The following ADGB variants were observed in gnomAD, a reference collection of about 807,000 sequenced individuals.
ADGB encodes the protein androglobin, also known as calpain-7-like protein.
In ADGB, 172 loss-of-function variants were observed where a neutral mutation model predicts 210.5. The observed-to-expected ratio is 0.82, with a 90% confidence interval of 0.72 to 0.93. ADGB has a LOEUF of 0.93. ADGB is among the 40% of genes least tolerant of loss of function. The probability of loss-of-function intolerance (pLI) is 0.00; values close to 1 mark genes in which losing one functional copy is unlikely to be tolerated. For synonymous variants in ADGB, 658 were observed against 662.7 expected, an observed-to-expected ratio of 0.99 and a Z score of 0.11; for missense variants, 2,025 against 1,964.8, an observed-to-expected ratio of 1.03 and a Z score of -0.58.
Position 146,721,513 on chromosome 6 carries a change from G to A in ADGB, c.2095+8G>A. The stretch of plus-strand genomic sequence containing the variant: ...GCTGGGGGGAGTATGGAGGTAAGAG[G>A]GCTCTGAGAAAATGATAGCCTTAAA... On this transcript the variant is annotated splice_region_variant and intron_variant, in intron 17 of 35. Transcript: ENST00000397944. 2.6e-6 allele frequency: 4 copies of A among 1,520,072 alleles called. No homozygotes were observed. The South Asian group carries it at 4.8e-5, about 18-fold the overall frequency. The allele number at this position is 1,520,072 out of a possible 1,614,324, so 94.2% of individuals were successfully genotyped here. A position where few individuals can be genotyped will look rare whatever the true frequency, so the allele number is the denominator to read the frequency against.
intron 3 of ADGB, among the ~76,000 whole-genome samples, chr6:146,646,589 G>C (rs1775616181): frequency 6.6e-6 from 1 of 152,082 alleles, no homozygotes; most frequent in South Asian, 2.1e-4. Context: ...AATAGCACCT[G>C]AAAAGAAACC....
chr6:146,637,448 G>A (rs1272304376), intron 2 of ADGB, among the ~76,000 whole-genome samples: 1 of 152,002 alleles, frequency 6.6e-6, no homozygotes, highest in Admixed American at 6.6e-5. Context: ...AAGCTACGGA[G>A]CAAATGAATA....
intron 35 of ADGB, chr6:146,803,180 A>G: frequency 2.0e-6 from 3 of 1,492,828 alleles, no homozygotes; most frequent in Non-Finnish European, 2.8e-6. Flanking sequence ...GTTCACTTAT[A>G]CTTCTCCTTC....
intron 20 of ADGB, among the ~76,000 whole-genome samples, chr6:146,730,413 C>G (rs1358941919): frequency 1.3e-5 from 2 of 152,140 alleles, no homozygotes; most frequent in Admixed American, 6.6e-5. Flanking sequence ...TTCACACATA[C>G]CATCAAGATA....
rs192176620 is a variant in ADGB, at chr6:146,796,016, C to T, written c.4538-5167C>T. Among the ~76,000 whole-genome samples, 91 of 152,074 alleles carry T rather than the reference C, an allele frequency of 6.0e-4. 1 individual carries two copies. The highest frequency in any genetic ancestry group is 5.2e-3 in the Admixed American group (80 of 15,266). On this transcript the variant is annotated intron_variant, in intron 33 of 35. Coordinates refer to ENST00000397944, the MANE Select transcript of ADGB (RefSeq NM_024694.4). ...TCAGTAAAGTTTCAGGATGAAACAT[C>T]AATGTACACAAATAAGTAGCACTGT...
chr6:146,704,349 C>T (rs1776537303), intron 13 of ADGB, among the ~76,000 whole-genome samples: 1 of 151,434 alleles, frequency 6.6e-6, no homozygotes, highest in Admixed American at 6.6e-5. Flanking sequence ...GTTGCCTGTG[C>T]TTTAGGGATT....
chr6:146,720,530 T>C (rs1776797354), intron 16 of ADGB, among the ~76,000 whole-genome samples: 1 of 152,086 alleles, frequency 6.6e-6, no homozygotes, highest in Non-Finnish European at 1.5e-5. Context: ...CAGCAAGCAA[T>C]GGGTATTGAG....
chr6:146,782,385 A>G (rs1365168676), intron 30 of ADGB, among the ~76,000 whole-genome samples, 193 bp downstream of exon 30: 1 of 152,202 alleles, frequency 6.6e-6, no homozygotes, highest in African/African-American at 2.4e-5. Flanking sequence ...ATCAAAAACT[A>G]TCAATTAAAC....
intron 29 of ADGB, among the ~76,000 whole-genome samples, chr6:146,773,949 G>A (rs1777688826): frequency 6.6e-6 from 1 of 152,054 alleles, no homozygotes; most frequent in Non-Finnish European, 1.5e-5. Context: ...GAGGGAACTG[G>A]GATACAGACA....
At chr6:146,676,486 T>A (rs1204788793) in intron 9 of ADGB, 45 bp downstream of exon 9, 1 of 1,271,614 alleles carries the variant, frequency 7.9e-7, no homozygotes, top group East Asian at 3.1e-5. Flanking sequence ...TAGTTGTTTC[T>A]TAAAATGCTG....
intron 9 of ADGB, 31 bp downstream of exon 9, chr6:146,676,472 A>C: frequency 7.7e-7 from 1 of 1,303,102 alleles, no homozygotes; most frequent in Non-Finnish European, 9.9e-7. Flanking sequence ...AATAATAACT[A>C]TTTTAGTTGT....
At chr6:146,809,393 C>T (rs891271254) in intron 35 of ADGB, among the ~76,000 whole-genome samples, 7 of 152,040 alleles carry the variant, frequency 4.6e-5, no homozygotes, top group African/African-American at 1.4e-4. Context: ...TTAGTAGAGA[C>T]GGGGGTTTCA....
At chr6:146,678,570 A>G (rs2114909255) in intron 9 of ADGB, among the ~76,000 whole-genome samples, 1 of 152,286 alleles carries the variant, frequency 6.6e-6, no homozygotes, top group South Asian at 2.1e-4. Flanking sequence ...GTTGTAGTTA[A>G]TTCTGATAAG....
At chr6:146,631,138 A>G (rs1164696359) in intron 1 of ADGB, among the ~76,000 whole-genome samples, 1 of 152,270 alleles carries the variant, frequency 6.6e-6, no homozygotes, top group Non-Finnish European at 1.5e-5. Flanking sequence ...TATAATGATT[A>G]AAGATACGAA....
At chr6:146,634,127 T>C (rs368942809) in intron 1 of ADGB, among the ~76,000 whole-genome samples, 10 of 152,268 alleles carry the variant, frequency 6.6e-5, no homozygotes, top group African/African-American at 2.4e-4. Flanking sequence ...CTTACCATTG[T>C]GTTACAGTTG....
intron 1 of ADGB, among the ~76,000 whole-genome samples, chr6:146,622,833 A>G (rs1247774165): frequency 2.0e-5 from 3 of 151,988 alleles, no homozygotes; most frequent in Non-Finnish European, 4.4e-5. Context: ...CTGTTTTAGA[A>G]GTTTTATAGT....
chr6:146,721,327 T>TATTTATATATAACTTAG, intron 16 of ADGB, 76 bp from the exon 17 acceptor site: 1 of 932,012 alleles, frequency 1.1e-6, no homozygotes, highest in Non-Finnish European at 1.7e-6. Flanking sequence ...GATGTTATAC[T>TATTTATATATAACTTAG]ATGTTTTCAT....
Position 146,801,906 on chromosome 6 carries a change from T to A in ADGB, c.4713T>A (p.His1571Gln). The A allele has an allele frequency of 6.4e-7, 1 of 1,551,316 alleles. No individual in the cohort carries two copies. The highest frequency in any genetic ancestry group is 8.7e-7 in the Non-Finnish European group (1 of 1,146,822). The change falls in exon 35 of 36, where the codon CAT becomes CAA. Residue 1571 changes from histidine (H) to glutamine (Q), a missense_variant. Physicochemically the swap from His to Gln is conservative, Grantham distance 24. Coordinates refer to ENST00000397944, the MANE Select transcript of ADGB (RefSeq NM_024694.4). The part of the protein sequence containing the change: ...QQAMQKAEEI[H>Q]QFRQHRTRVL... ...CAATGCAAAAGGCGGAAGAAATTCA[T>A]CAGTTTCGACAGCATAGGACCAGAG...
At chr6:146,785,859 A>G (rs965387259) in intron 32 of ADGB, 147 bp downstream of exon 32, 1 of 632,168 alleles carries the variant, frequency 1.6e-6, no homozygotes, top group Admixed American at 2.9e-5. Flanking sequence ...GCACAATTTC[A>G]GATAACTATA....
Sources: gnomAD v4.1 joint callset for allele counts (sites outside exome capture counted in the v4.1 genomes callset) on GRCh38, gnomAD v4.1.1 for gene constraint, MANE v1.5 for transcripts, NCBI Gene and HGNC (gene_info 2026-07-23, HGNC 2026-07-21) for gene names.